PTPRD: variants seen among roughly 807,000 people sequenced by gnomAD.
The protein encoded by PTPRD is protein tyrosine phosphatase receptor type D.
PTPRD carries 34 observed loss-of-function variants against 214.5 expected under a neutral mutation model. That is an observed-to-expected ratio of 0.16 (90% CI 0.12 to 0.21). The LOEUF is 0.21. PTPRD is among the 10% of genes least tolerant of loss of function. The pLI, the probability that PTPRD is intolerant of heterozygous loss-of-function variation, is 1.00. For missense variants in PTPRD, 2,545 were observed against 2,398.7 expected (o/e 1.06, Z -1.27); for synonymous variants, 1,128 against 845.7 (o/e 1.33, Z -5.79).
At chr9:10,244,637 CATT>C in intron 3 of PTPRD, among the ~76,000 whole-genome samples, 1 of 152,152 alleles carries the variant, frequency 6.6e-6, no homozygotes, top group East Asian at 1.9e-4. Context: ...GAAAATAAAA[CATT>C]ATTTCATACC....
At chr9:10,535,922 G>T (rs1410817511) in intron 2 of PTPRD, among the ~76,000 whole-genome samples, 2 of 152,148 alleles carry the variant, frequency 1.3e-5, no homozygotes. Context: ...ACACAGGTAT[G>T]CTTGTCTTAA....
chr9:9,248,928 T>C (rs1237200829), intron 9 of PTPRD, among the ~76,000 whole-genome samples: 1 of 152,052 alleles, frequency 6.6e-6, no homozygotes, highest in Non-Finnish European at 1.5e-5. Flanking sequence ...TGGTAAAGTG[T>C]ATGGCAAAGC....
chr9:10,104,926 T>C (rs1406806842), intron 3 of PTPRD, among the ~76,000 whole-genome samples: 2 of 151,852 alleles, frequency 1.3e-5, no homozygotes, highest in Non-Finnish European at 2.9e-5. Context: ...GGCAGCTGTA[T>C]TGTAGTTTTC....
intron 5 of PTPRD, among the ~76,000 whole-genome samples, chr9:9,775,339 G>A (rs2098788950): frequency 1.3e-5 from 2 of 152,058 alleles, no homozygotes; most frequent in South Asian, 2.1e-4. Flanking sequence ...TTTAATCTAC[G>A]GGTTTTAAGA....
At chr9:9,467,588 C>CAAAAA (rs1176159031) in intron 8 of PTPRD, among the ~76,000 whole-genome samples, 27 of 55,950 alleles carry the variant, frequency 4.8e-4, no homozygotes, top group African/African-American at 1.3e-3. Context: ...CTCCATCTCC[C>CAAAAA]AAAAAAAAAA....
rs560852585 is a variant in PTPRD, at chr9:10,155,698, A to ATAAG, written c.-544-121912_-544-121909dup. ...AAAAGCTTCCTCTCCATCTATTGAG[A>ATAAG]TAAGTATGTGGTTTTGTCTTTAGTT... On this transcript the variant is annotated intron_variant, in intron 3 of 45. Transcript: ENST00000381196. Among the ~76,000 whole-genome samples the ATAAG allele has an allele frequency of 5.2e-3, 794 of 152,308 alleles. 5 individuals are homozygous for ATAAG. The highest frequency in any genetic ancestry group is 9.1e-3 in the Non-Finnish European group (621 of 68,026).
chr9:9,423,765 A>G (rs1016080877), intron 8 of PTPRD, among the ~76,000 whole-genome samples: 6 of 152,234 alleles, frequency 3.9e-5, no homozygotes, highest in Non-Finnish European at 8.8e-5. Context: ...GTTAAATTCC[A>G]TATTAGACAG....
chr9:8,386,535 T>C (rs1240362581), intron 37 of PTPRD, among the ~76,000 whole-genome samples: 3 of 152,172 alleles, frequency 2.0e-5, no homozygotes, highest in African/African-American at 7.2e-5. Flanking sequence ...TTGTTTACGT[T>C]ACCTGGACTA....
At position 10,357,716 on chromosome 9, in the gene PTPRD, A is replaced by T. The variant is rs1207235755; in HGVS notation, c.-599-16699T>A. Among the ~76,000 whole-genome samples the T allele has an allele frequency of 2.6e-5, 4 of 152,368 alleles. No individual in the cohort carries two copies. The East Asian group carries it at 5.8e-4, about 22-fold the overall frequency. ...AAAAGAATGGCTACTCCATAGGCAG[A>T]GCAGCTGGAGATGCTTTTCAAATAA... On this transcript the variant is annotated intron_variant, in intron 2 of 45. Coordinates refer to ENST00000381196, the MANE Select transcript of PTPRD (RefSeq NM_002839.4).
At chr9:8,660,356 C>G (rs1203939616) in intron 12 of PTPRD, among the ~76,000 whole-genome samples, 2 of 152,148 alleles carry the variant, frequency 1.3e-5, no homozygotes, top group African/African-American at 4.8e-5. Flanking sequence ...GCTTTTGATT[C>G]TGTGTGGCTC....
At chr9:9,180,197 C>G (rs1239425885) in intron 10 of PTPRD, among the ~76,000 whole-genome samples, 1 of 151,438 alleles carries the variant, frequency 6.6e-6, no homozygotes, top group African/African-American at 2.4e-5. Context: ...GGAACCAACC[C>G]AAATGTCCAA....
intron 14 of PTPRD, among the ~76,000 whole-genome samples, chr9:8,571,849 AG>A (rs1388804318): frequency 6.6e-6 from 1 of 152,092 alleles, no homozygotes; most frequent in Non-Finnish European, 1.5e-5. Context: ...TTCTGATAAG[AG>A]TCCATCAACA....
At chr9:10,092,671 C>A (rs1228569810) in intron 3 of PTPRD, among the ~76,000 whole-genome samples, 2 of 151,250 alleles carry the variant, frequency 1.3e-5, no homozygotes, top group Admixed American at 6.6e-5. Flanking sequence ...AAAGAACAAA[C>A]CCGAGGCATC....
chr9:8,806,017 G>T (rs867605498), intron 11 of PTPRD, among the ~76,000 whole-genome samples: 12 of 141,002 alleles, frequency 8.5e-5, no homozygotes, highest in Admixed American at 2.1e-4. Flanking sequence ...AAAAAAGAAA[G>T]AAAAAAAGAA....
chr9:8,866,517 T>TA lies in PTPRD; in HGVS notation c.-103-132572dup, dbSNP rs552013235. Reference sequence around the variant, plus strand: ...CAAGTTGATTATGTAACTCCCATGCTAAAAAAAACCTCAGTGGTTCATGAT... The same window carrying TA: ...CAAGTTGATTATGTAACTCCCATGCTAAAAAAAAACCTCAGTGGTTCATGAT... On this transcript the variant is annotated intron_variant, in intron 11 of 45. Coordinates refer to ENST00000381196, the MANE Select transcript of PTPRD (RefSeq NM_002839.4). Among the ~76,000 whole-genome samples the TA allele has an allele frequency of 1.3e-3, 201 of 152,026 alleles. 1 individual carries two copies. Among genetic ancestry groups the TA allele is most frequent in the African/African-American group, 4.5e-3 (185 of 41,490 alleles).
At chr9:10,228,775 T>A (rs1382228844) in intron 3 of PTPRD, among the ~76,000 whole-genome samples, 1 of 149,474 alleles carries the variant, frequency 6.7e-6, no homozygotes, top group Non-Finnish European at 1.5e-5. Flanking sequence ...TATGTATAAA[T>A]ATGTGATATA....
At chr9:10,569,212 C>T (rs1237586449) in intron 2 of PTPRD, among the ~76,000 whole-genome samples, 1 of 151,964 alleles carries the variant, frequency 6.6e-6, no homozygotes, top group East Asian at 1.9e-4. Context: ...AAATCAAAAC[C>T]ACAGTGAGAT....
chr9:10,158,002 T>TA lies in PTPRD; in HGVS notation c.-544-124213_-544-124212insT, dbSNP rs575711193. 4.3e-4 allele frequency among the ~76,000 whole-genome samples: 63 copies of TA among 145,402 alleles called. No homozygotes were observed. In the East Asian group the frequency reaches 0.012, roughly 28 times the overall value. On this transcript the variant is annotated intron_variant, in intron 3 of 45. Coordinates refer to ENST00000381196, the MANE Select transcript of PTPRD (RefSeq NM_002839.4). ...TCAACCCTATCAAGTTGTTTATGGT[T>TA]TTTTGTTTGTTTGTTTGTTTGTTTT...
chr9:10,503,193 C>CTGAAAAAGA (rs1707729992), intron 2 of PTPRD, among the ~76,000 whole-genome samples: 1 of 69,070 alleles, frequency 1.4e-5, no homozygotes, highest in Non-Finnish European at 2.8e-5. Flanking sequence ...AGCTGCAATA[C>CTGAAAAAGA]AAAAAAAAAA....
Sources: allele counts gnomAD v4.1 joint callset (sites outside exome capture counted in the v4.1 genomes callset), GRCh38; gene constraint gnomAD v4.1.1; transcripts MANE v1.5; gene names NCBI Gene and HGNC (gene_info 2026-07-23, HGNC 2026-07-21).